UTP15: variants seen among roughly 807,000 people sequenced by gnomAD.
UTP15 encodes UTP15 small subunit processome component.
UTP15 carries 5 observed loss-of-function variants against 59.1 expected under a neutral mutation model. The observed-to-expected ratio is 0.08, with a 90% CI of 0.04 to 0.18. The LOEUF is 0.18. Among genes scored for constraint, UTP15 ranks in the 10% least tolerant of loss-of-function variants. UTP15 has a pLI of 1.00. For synonymous variants in UTP15, 211 were observed against 212.2 expected, an observed-to-expected ratio of 0.99 and a Z score of 0.05; for missense variants, 494 against 616.7, an observed-to-expected ratio of 0.80 and a Z score of 2.11.
chr5:73,575,764 C>A (rs1449367260), intron 7 of UTP15, among the ~76,000 whole-genome samples: 1 of 151,108 alleles, frequency 6.6e-6, no homozygotes, highest in East Asian at 2.0e-4. Context: ...CTCTTGTTGC[C>A]CAGGCTGGAG....
In UTP15 at chr5:73,570,632, G is replaced by A. The variant is rs756183082; in HGVS notation, c.594G>A (p.Glu198=). The A allele has an allele frequency of 1.9e-6, 3 of 1,614,208 alleles. No individual in the cohort carries two copies. Among genetic ancestry groups the A allele is most frequent in the Non-Finnish European group, 1.7e-6 (2 of 1,180,020 alleles). ...TVKMFDARTS[E]SVLSVEHGQP... ...AGATGTTTGATGCACGAACGAGTGA[G>A]AGTGTTCTCTCCGTTGAGCATGGGC... is the stretch of plus-strand genomic sequence containing the variant. Residue 198 remains glutamate (E), a synonymous_variant, in exon 6 of 13, where the codon GAG becomes GAA. Coordinates refer to ENST00000296792, the MANE Select transcript of UTP15 (RefSeq NM_032175.4).
chr5:73,581,415 TGATA>T lies in UTP15; in HGVS notation c.*1326_*1329del, dbSNP rs1386844241. 3 of 152,206 alleles carry T rather than the reference TGATA, an allele frequency of 2.0e-5. No individual in the cohort carries two copies. The highest frequency in any genetic ancestry group is 2.0e-4 in the Admixed American group (3 of 15,280). The allele number at this position is 152,206 out of a possible 1,614,324, so 9.4% of individuals were successfully genotyped here. A position where few individuals can be genotyped will look rare whatever the true frequency, so the allele number is the denominator to read the frequency against. The stretch of plus-strand genomic sequence containing the variant: ...CTTGGCTTTTTGATGTATCTGTTCC[TGATA>T]GATAATCATTGGCTAGTAACTCCTA... On this transcript the variant is annotated 3_prime_UTR_variant, in exon 13 of 13. Transcript: ENST00000296792.
rs1261301326 is a variant in UTP15, at chr5:73,578,992, A to G, written c.1147-25A>G. ...TTTTTTTGTGCTGTTTTGTCTACTC[A>G]TGTTGACTTTGAAAATTTTTCTAGC... On this transcript the variant is annotated intron_variant, in intron 10 of 12. Coordinates refer to ENST00000296792, the MANE Select transcript of UTP15 (RefSeq NM_032175.4). 2.5e-6 allele frequency: 4 copies of G among 1,602,192 alleles called. No homozygotes were observed. In the African/African-American group the frequency reaches 4.0e-5, roughly 16 times the overall value.
At chr5:73,573,677 A>G (rs1332138866) in intron 7 of UTP15, among the ~76,000 whole-genome samples, 1 of 151,494 alleles carries the variant, frequency 6.6e-6, no homozygotes, top group Non-Finnish European at 1.5e-5. Context: ...CCCGGGTTCA[A>G]GCGATTCTGC....
chr5:73,578,913 G>A, intron 10 of UTP15, 61 bp downstream of exon 10: 1 of 1,597,818 alleles, frequency 6.3e-7, no homozygotes, highest in Non-Finnish European at 8.6e-7. Context: ...CCATGACTTG[G>A]AACTGTGAAG....
chr5:73,568,059 A>G (rs531664529), intron 2 of UTP15, among the ~76,000 whole-genome samples, 176 bp from the exon 3 acceptor site: 67 of 152,320 alleles, frequency 4.4e-4, no homozygotes, highest in African/African-American at 1.6e-3. Flanking sequence ...AGTGGCAACA[A>G]GAATAGTCTG....
rs946171082 is a variant in UTP15, at chr5:73,567,369, A to C, written c.25A>C (p.Ile9Leu). ...TATGGCTGGTTATAAGCCTGTAGCT[A>C]TTCAGACATATCCTATACTTGGTGA... is the stretch of plus-strand genomic sequence containing the variant. MAGYKPVA[I>L]QTYPILGEKI... The change falls in exon 2 of 13, where the codon ATT (isoleucine) becomes CTT (leucine). Residue 9 changes from isoleucine to leucine, a missense_variant. Transcript: ENST00000296792. 1.9e-6 allele frequency: 3 copies of C among 1,609,292 alleles called. No individual in the cohort carries two copies. The African/African-American group carries it at 4.0e-5, about 22-fold the overall frequency.
At chr5:73,569,698 T>C in intron 5 of UTP15, 23 bp downstream of exon 5, 2 of 1,538,898 alleles carry the variant, frequency 1.3e-6, no homozygotes, top group Non-Finnish European at 1.8e-6. Context: ...TATTCCCTCC[T>C]GAAGCAAATA....
Position 73,567,655 on chromosome 5 carries a change from C to T in UTP15, c.90+221C>T, listed in dbSNP as rs568038932. On this transcript the variant is annotated intron_variant, in intron 2 of 12. Coordinates refer to ENST00000296792, the MANE Select transcript of UTP15 (RefSeq NM_032175.4). ...AACCATACAAATGCCTAGCACAGAACAGATGATCAATCAATGCCAAATGAA... is the reference window on the plus strand; with the variant it reads ...AACCATACAAATGCCTAGCACAGAATAGATGATCAATCAATGCCAAATGAA... 1.1e-5 allele frequency: 4 copies of T among 352,650 alleles called. No homozygotes were observed. In the East Asian group the frequency reaches 1.4e-4, roughly 12 times the overall value. The allele number at this position is 352,650 out of a possible 1,614,324, so 21.8% of individuals were successfully genotyped here.
intron 7 of UTP15, 95 bp downstream of exon 7, chr5:73,572,719 A>G: frequency 7.8e-7 from 1 of 1,288,546 alleles, no homozygotes; most frequent in South Asian, 1.6e-5. Context: ...TGATAAGTAT[A>G]CAGATAATGA....
intron 6 of UTP15, among the ~76,000 whole-genome samples, chr5:73,571,547 CTG>C (rs1295743799): frequency 6.7e-6 from 1 of 149,374 alleles, no homozygotes; most frequent in Non-Finnish European, 1.5e-5. Flanking sequence ...ATATATATTG[CTG>C]TGTGTACCTC....
intron 12 of UTP15, 32 bp from the exon 13 acceptor site, chr5:73,579,845 C>T: frequency 1.4e-6 from 2 of 1,447,762 alleles, no homozygotes; most frequent in Non-Finnish European, 1.9e-6. Context: ...AAAGATATTG[C>T]TAGTTAATGT....
chr5:73,578,181 A>G (rs1748158649), intron 9 of UTP15, 176 bp downstream of exon 9: 1 of 590,668 alleles, frequency 1.7e-6, no homozygotes, highest in Admixed American at 3.7e-5. Context: ...AATGGGGAAC[A>G]AGGACTACTT....
rs1748154377 is a variant in UTP15, at chr5:73,578,025, ATT to A, written c.1044+22_1044+23del. The stretch of plus-strand genomic sequence containing the variant: ...CAACGGGTATTTGTGCATTTCTCAT[ATT>A]TGTTTAAAGGGTGAAATTTGTTAGA... On this transcript the variant is annotated intron_variant, in intron 9 of 12. Coordinates refer to ENST00000296792, the MANE Select transcript of UTP15 (RefSeq NM_032175.4). 1.3e-6 allele frequency: 2 copies of A among 1,574,194 alleles called. No homozygotes were observed. Among genetic ancestry groups the A allele is most frequent in the Non-Finnish European group, 1.7e-6 (2 of 1,167,882 alleles).
intron 6 of UTP15, among the ~76,000 whole-genome samples, chr5:73,571,413 A>G (rs549358240): frequency 1.1e-4 from 16 of 152,084 alleles, no homozygotes; most frequent in South Asian, 4.1e-4. Context: ...TGTTTTTCTC[A>G]TTTTGCACAT....
chr5:73,570,752 G>GAATC, intron 6 of UTP15, 41 bp downstream of exon 6: 1 of 1,603,810 alleles, frequency 6.2e-7, no homozygotes, highest in Non-Finnish European at 8.5e-7. Flanking sequence ...TGTTGGTTTT[G>GAATC]AATCACGTTT....
At chr5:73,571,657 G>T (rs538562009) in intron 6 of UTP15, among the ~76,000 whole-genome samples, 1 of 151,508 alleles carries the variant, frequency 6.6e-6, no homozygotes, top group African/African-American at 2.4e-5. Flanking sequence ...AAGTTGAGGC[G>T]GGATGTGGTT....
intron 8 of UTP15, 72 bp downstream of exon 8, chr5:73,577,108 G>T (rs1442577699): frequency 1.7e-6 from 2 of 1,190,122 alleles, no homozygotes; most frequent in South Asian, 1.4e-5. Flanking sequence ...TGGAACTTTG[G>T]GCTTTATTTT....
chr5:73,579,409 T>A, intron 12 of UTP15, 34 bp downstream of exon 12: 1 of 1,517,860 alleles, frequency 6.6e-7, no homozygotes, highest in Non-Finnish European at 9.0e-7. Flanking sequence ...AATCCTAACA[T>A]GCTTGCAAAA....
Sources: allele counts gnomAD v4.1 joint callset (sites outside exome capture counted in the v4.1 genomes callset), GRCh38; gene constraint gnomAD v4.1.1; transcripts MANE v1.5; gene names NCBI Gene and HGNC (gene_info 2026-07-23, HGNC 2026-07-21).